The following ANKRD44 variants were observed in gnomAD, a reference collection of about 807,000 sequenced individuals.
ANKRD44 encodes the protein serine/threonine-protein phosphatase 6 regulatory ankyrin repeat subunit B.
ANKRD44 carries 35 observed loss-of-function variants against 116.0 expected under a neutral mutation model. The ratio of observed to expected loss-of-function variants is 0.30; its 90% confidence interval spans 0.23 to 0.40. The LOEUF (loss-of-function observed/expected upper bound fraction) is 0.40, where lower values mean the gene tolerates loss of function less well. ANKRD44 is among the 10% of genes least tolerant of loss of function. ANKRD44 has a pLI of 1.00. For synonymous variants in ANKRD44, 435 were observed against 461.8 expected, an observed-to-expected ratio of 0.94 and a Z score of 0.74; for missense variants, 1,014 against 1,242.6, an observed-to-expected ratio of 0.82 and a Z score of 2.77.
intron 10 of ANKRD44, among the ~76,000 whole-genome samples, chr2:197,091,398 A>G (rs2078040351): frequency 6.6e-6 from 1 of 152,222 alleles, no homozygotes; most frequent in Non-Finnish European, 1.5e-5. Flanking sequence ...GGGTCAGGGA[A>G]ATATCCTGCT....
chr2:197,000,564 C>T, intron 22 of ANKRD44, 62 bp from the exon 23 acceptor site: 4 of 1,294,716 alleles, frequency 3.1e-6, no homozygotes, highest in Admixed American at 3.4e-5. Flanking sequence ...CACCTCCTAA[C>T]CCATCTTCCT....
At chr2:197,009,265 C>T (rs1574266217) in intron 18 of ANKRD44, among the ~76,000 whole-genome samples, 1 of 151,680 alleles carries the variant, frequency 6.6e-6, no homozygotes. Context: ...CTAATTTTTG[C>T]ATTTTTAGTA....
intron 2 of ANKRD44, among the ~76,000 whole-genome samples, chr2:197,179,682 T>C (rs1001674777): frequency 3.9e-5 from 6 of 152,190 alleles, no homozygotes; most frequent in Non-Finnish European, 7.3e-5. Context: ...GATTTGTCTC[T>C]CTTTTGGAGG....
In ANKRD44 at chr2:197,088,794, A is replaced by G; in HGVS notation, c.1184-20T>C. ...CAAAGCCTGCAGACAGCACGTGCTCATTACTAAACAAGGATACTATGCTAT... is the reference window on the plus strand; with the variant it reads ...CAAAGCCTGCAGACAGCACGTGCTCGTTACTAAACAAGGATACTATGCTAT... On this transcript the variant is annotated intron_variant, in intron 11 of 27. Transcript: ENST00000282272. The G allele has an allele frequency of 1.2e-6, 2 of 1,612,198 alleles. No homozygotes were observed. Among genetic ancestry groups the G allele is most frequent in the South Asian group, 2.2e-5 (2 of 90,722 alleles).
At chr2:197,235,605 G>C (rs1251268325) in intron 1 of ANKRD44, among the ~76,000 whole-genome samples, 1 of 130,490 alleles carries the variant, frequency 7.7e-6, no homozygotes, top group African/African-American at 2.9e-5. Context: ...GATAGAGTGA[G>C]ACTCTGTCTA....
At chr2:197,070,919 C>A (rs567315056) in intron 16 of ANKRD44, among the ~76,000 whole-genome samples, 102 of 152,218 alleles carry the variant, frequency 6.7e-4, no homozygotes, top group African/African-American at 2.3e-3. Context: ...AGTTAAAGGG[C>A]TATTCAAATG....
intron 2 of ANKRD44, among the ~76,000 whole-genome samples, chr2:197,163,439 C>T (rs1001267350): frequency 6.6e-6 from 1 of 152,210 alleles, no homozygotes; most frequent in African/African-American, 2.4e-5. Context: ...AATAGGAAAC[C>T]AGCACTGAGT....
intron 9 of ANKRD44, among the ~76,000 whole-genome samples, chr2:197,103,775 C>T (rs1393577874): frequency 6.6e-6 from 1 of 152,142 alleles, no homozygotes; most frequent in East Asian, 1.9e-4. Flanking sequence ...TATAAATTCA[C>T]TGACTATCCA....
chr2:197,163,748 C>A (rs1205613159), intron 2 of ANKRD44, among the ~76,000 whole-genome samples: 2 of 152,306 alleles, frequency 1.3e-5, no homozygotes, highest in Non-Finnish European at 2.9e-5. Context: ...CTACCTCAGG[C>A]TCCCGAGTAG....
chr2:197,162,229 T>C (rs1219504104), intron 2 of ANKRD44, among the ~76,000 whole-genome samples: 1 of 152,224 alleles, frequency 6.6e-6, no homozygotes, highest in Non-Finnish European at 1.5e-5. Flanking sequence ...TATGCTTATG[T>C]TTTAAGCACA....
chr2:197,110,283 T>TAATCATAAAA, intron 9 of ANKRD44, among the ~76,000 whole-genome samples: 1 of 152,216 alleles, frequency 6.6e-6, no homozygotes, highest in East Asian at 1.9e-4. Context: ...CACCTAAGCC[T>TAATCATAAAA]GTGATTTTAT....
At chr2:197,117,624 C>T (rs901375030) in intron 8 of ANKRD44, among the ~76,000 whole-genome samples, 13 of 152,170 alleles carry the variant, frequency 8.5e-5, no homozygotes, top group Non-Finnish European at 1.3e-4. Context: ...CCCACCTCGG[C>T]CTCCCAAAGT....
chr2:197,024,165 CTT>C (rs1186759479), intron 17 of ANKRD44, among the ~76,000 whole-genome samples: 5 of 152,230 alleles, frequency 3.3e-5, no homozygotes, highest in Admixed American at 3.3e-4. Context: ...ACACTCCTCT[CTT>C]CTCTCCAAAA....
intron 1 of ANKRD44, among the ~76,000 whole-genome samples, chr2:197,306,027 C>T (rs1223543453): frequency 1.4e-5 from 2 of 145,106 alleles, no homozygotes; most frequent in African/African-American, 5.4e-5. Flanking sequence ...ACATCATTCA[C>T]CGGGGTGAGG....
At chr2:197,083,977 T>G (rs897679988) in intron 13 of ANKRD44, among the ~76,000 whole-genome samples, 1 of 152,158 alleles carries the variant, frequency 6.6e-6, no homozygotes, top group Non-Finnish European at 1.5e-5. Context: ...CTTTTTTGGA[T>G]CATTGCAAGC....
intron 2 of ANKRD44, among the ~76,000 whole-genome samples, chr2:197,181,588 A>G (rs1287646690): frequency 1.3e-5 from 2 of 152,158 alleles, no homozygotes; most frequent in African/African-American, 2.4e-5. Context: ...TTTAGTCTCT[A>G]AGACTCAAAG....
chr2:197,012,051 T>C (rs1254217022), intron 18 of ANKRD44, among the ~76,000 whole-genome samples: 1 of 152,240 alleles, frequency 6.6e-6, no homozygotes, highest in African/African-American at 2.4e-5. Context: ...CATAGTGCTC[T>C]GAGGATTTGA....
chr2:197,058,770 G>A (rs78033464), intron 16 of ANKRD44, among the ~76,000 whole-genome samples: 2,189 of 152,246 alleles, frequency 0.014, 39 homozygotes, highest in Admixed American at 0.025. Flanking sequence ...GTTCTCATCT[G>A]AGGGCTAACT....
At chr2:197,052,300 C>T (rs966141576) in intron 16 of ANKRD44, among the ~76,000 whole-genome samples, 9 of 152,172 alleles carry the variant, frequency 5.9e-5, no homozygotes, top group Non-Finnish European at 1.2e-4. Context: ...AATAACTTTA[C>T]GAATAGCCTT....
Sources: allele counts gnomAD v4.1 joint callset (sites outside exome capture counted in the v4.1 genomes callset), GRCh38; gene constraint gnomAD v4.1.1; transcripts MANE v1.5; gene names NCBI Gene and HGNC (gene_info 2026-07-23, HGNC 2026-07-21).